Variants in C8orf34 observed in about 807,000 individuals in gnomAD.
C8orf34 encodes chromosome 8 open reading frame 34.
In C8orf34, 65 loss-of-function variants were observed where a neutral mutation model predicts 68.3. That is an observed-to-expected ratio of 0.95 (90% CI 0.78 to 1.17). C8orf34 has a LOEUF of 1.17. Among genes scored for constraint, C8orf34 ranks in the 50% most tolerant of loss-of-function variants. C8orf34 has a pLI of 0.00. For missense variants in C8orf34, 664 were observed against 655.4 expected (o/e 1.01, Z -0.14); for synonymous variants, 244 against 241.2 (o/e 1.01, Z -0.11).
chr8:68,794,482 AAT>A (rs1242445585), intron 12 of C8orf34, among the ~76,000 whole-genome samples: 71 of 89,334 alleles, frequency 7.9e-4, no homozygotes, highest in Middle Eastern at 5.6e-3. Context: ...TATAAATATA[AAT>A]ATATATATAT....
intron 7 of C8orf34, among the ~76,000 whole-genome samples, chr8:68,583,924 G>T (rs1004301270): frequency 3.3e-5 from 5 of 151,858 alleles, no homozygotes; most frequent in African/African-American, 1.2e-4. Context: ...TTTACTGATG[G>T]TTATGAATCT....
At chr8:68,517,959 C>A (rs1814588919) in intron 5 of C8orf34, among the ~76,000 whole-genome samples, 1 of 152,090 alleles carries the variant, frequency 6.6e-6, no homozygotes, top group Non-Finnish European at 1.5e-5. Flanking sequence ...CTGTCAATTC[C>A]CTGTTCTGTT....
chr8:68,548,613 T>C (rs1341201136), intron 7 of C8orf34, among the ~76,000 whole-genome samples: 3 of 151,840 alleles, frequency 2.0e-5, no homozygotes, highest in East Asian at 1.9e-4. Context: ...CTTTGTATGA[T>C]GTGTTTAGCA....
At chr8:68,353,421 C>T (rs1356620352) in intron 1 of C8orf34, among the ~76,000 whole-genome samples, 1 of 151,510 alleles carries the variant, frequency 6.6e-6, no homozygotes, top group South Asian at 2.1e-4. Flanking sequence ...ATGAGTGATG[C>T]ATAGATGATT....
intron 6 of C8orf34, 85 bp from the exon 7 acceptor site, chr8:68,532,898 G>A (rs969920719): frequency 2.3e-5 from 22 of 938,678 alleles, no homozygotes; most frequent in African/African-American, 1.7e-4. Flanking sequence ...GTCCACATAC[G>A]TGTGTAATAA....
chr8:68,780,506 T>C (rs1189374770), intron 11 of C8orf34, among the ~76,000 whole-genome samples: 1 of 152,252 alleles, frequency 6.6e-6, no homozygotes, highest in Non-Finnish European at 1.5e-5. Flanking sequence ...TGTACTTTTC[T>C]GACTTTGTTA....
intron 7 of C8orf34, among the ~76,000 whole-genome samples, chr8:68,569,708 A>G (rs1475885689): frequency 2.0e-5 from 3 of 152,242 alleles, no homozygotes; most frequent in Non-Finnish European, 4.4e-5. Flanking sequence ...TCAGAGTACT[A>G]CAAACTCTGT....
intron 8 of C8orf34, among the ~76,000 whole-genome samples, chr8:68,680,111 G>A (rs1421554122): frequency 6.6e-6 from 1 of 152,004 alleles, no homozygotes; most frequent in Non-Finnish European, 1.5e-5. Context: ...CACAGCAAAG[G>A]AAACAATCAA....
rs1224787592 is a variant in C8orf34 at position 68,721,426 on chromosome 8, C to G, written c.1393C>G (p.Leu465Val). Residue 465 changes from leucine to valine, a missense_variant, in exon 10 of 14, where the codon CTA becomes GTA. By Grantham distance (32) the Leu-to-Val change is conservative (BLOSUM62 1). Transcript: ENST00000518698. ...TGACGAATTTGAGAAAGCATCTAAA[C>G]TAACAGGACCTGTAAGTATATTCAT... ...EGDEFEKASK[L>V]TGPGEASSGV... 1.2e-6 allele frequency: 2 copies of G among 1,603,942 alleles called. No individual in the cohort carries two copies. Among genetic ancestry groups the G allele is most frequent in the South Asian group, 2.2e-5 (2 of 90,120 alleles).
chr8:68,421,830 A>G (rs1040506706), intron 1 of C8orf34, among the ~76,000 whole-genome samples: 1 of 152,230 alleles, frequency 6.6e-6, no homozygotes, highest in African/African-American at 2.4e-5. Flanking sequence ...ATTGACTTAC[A>G]GCCTGCATGG....
chr8:68,613,376 C>A (rs1288574158), intron 7 of C8orf34, among the ~76,000 whole-genome samples: 1 of 151,936 alleles, frequency 6.6e-6, no homozygotes. Flanking sequence ...ATGTGCCATG[C>A]TGGTGTGTTG....
chr8:68,745,976 T>C (rs371273898), intron 10 of C8orf34, among the ~76,000 whole-genome samples: 1 of 152,150 alleles, frequency 6.6e-6, no homozygotes, highest in East Asian at 1.9e-4. Flanking sequence ...ATTGACCACA[T>C]ACTTGGAAGT....
chr8:68,632,242 A>G (rs111816420), intron 7 of C8orf34, among the ~76,000 whole-genome samples: 8,527 of 152,222 alleles, frequency 0.056, 285 homozygotes, highest in Middle Eastern at 0.092. Context: ...ATATCTTAGC[A>G]AAGAGACTGG....
At chr8:68,678,511 AG>A (rs1466289577) in intron 8 of C8orf34, among the ~76,000 whole-genome samples, 1 of 152,238 alleles carries the variant, frequency 6.6e-6, no homozygotes, top group African/African-American at 2.4e-5. Context: ...TTGATGATAA[AG>A]AAAGCATTTG....
intron 1 of C8orf34, among the ~76,000 whole-genome samples, chr8:68,396,425 G>A (rs1808710108): frequency 6.6e-6 from 1 of 151,744 alleles, no homozygotes. Context: ...ATGGTCTTCA[G>A]CCCCCTCACC....
At chr8:68,360,836 T>TC (rs1316448900) in intron 1 of C8orf34, among the ~76,000 whole-genome samples, 4 of 143,632 alleles carry the variant, frequency 2.8e-5, no homozygotes, top group Non-Finnish European at 6.0e-5. Flanking sequence ...CACTGCAACC[T>TC]CCATCTCCCA....
At chr8:68,772,626 A>G (rs1823373515) in intron 10 of C8orf34, among the ~76,000 whole-genome samples, 1 of 152,160 alleles carries the variant, frequency 6.6e-6, no homozygotes, top group South Asian at 2.1e-4. Context: ...AAAACTCACA[A>G]TAAGTGAAAC....
chr8:68,722,148 C>T (rs1010769138), intron 10 of C8orf34, among the ~76,000 whole-genome samples: 1 of 151,940 alleles, frequency 6.6e-6, no homozygotes, highest in Non-Finnish European at 1.5e-5. Context: ...AAAGTGTTGG[C>T]AGGGCTGCTT....
chr8:68,788,047 G>T (rs1248935509), intron 12 of C8orf34, among the ~76,000 whole-genome samples: 3 of 152,114 alleles, frequency 2.0e-5, no homozygotes, highest in Admixed American at 6.5e-5. Flanking sequence ...TAATAATGAG[G>T]AATGAATCAC....
Sources: gnomAD v4.1 joint callset for allele counts (sites outside exome capture counted in the v4.1 genomes callset) on GRCh38, gnomAD v4.1.1 for gene constraint, MANE v1.5 for transcripts, NCBI Gene and HGNC (gene_info 2026-07-23, HGNC 2026-07-21) for gene names.